KHDRBS2: variants seen among roughly 807,000 people sequenced by gnomAD.
KHDRBS2 encodes the protein KH RNA binding domain containing, signal transduction associated 2, also known as KH domain-containing, RNA-binding, signal transduction-associated protein 2.
In KHDRBS2, 26 loss-of-function variants were observed where a neutral mutation model predicts 44.3. The ratio of observed to expected loss-of-function variants is 0.59; its 90% CI spans 0.43 to 0.81. The LOEUF is 0.81. Ranked by LOEUF, KHDRBS2 falls within the 40% of genes least tolerant of loss-of-function variation. The pLI, the probability that KHDRBS2 is intolerant of heterozygous loss-of-function variation, is 0.00. For synonymous variants in KHDRBS2, 194 were observed against 151.1 expected (o/e 1.28, Z -2.08); for missense variants, 476 against 433.1 (o/e 1.10, Z -0.88).
the KHDRBS2 span, among the ~76,000 whole-genome samples, chr6:61,617,407 T>C: frequency 6.9e-6 from 1 of 144,670 alleles, no homozygotes; most frequent in Non-Finnish European, 1.5e-5. Flanking sequence ...ATCTATCATC[T>C]TATTTTGATT....
chr6:61,952,736 T>C (rs1336886211), intron 4 of KHDRBS2, among the ~76,000 whole-genome samples: 1 of 152,086 alleles, frequency 6.6e-6, no homozygotes, highest in Non-Finnish European at 1.5e-5. Flanking sequence ...CATAGCCTAA[T>C]GTGTCAAGTG....
intron 3 of KHDRBS2, among the ~76,000 whole-genome samples, chr6:62,044,744 A>G (rs772520127): frequency 6.6e-6 from 1 of 152,054 alleles, no homozygotes; most frequent in Non-Finnish European, 1.5e-5. Flanking sequence ...TCTGTTGGAT[A>G]AAAAGATTGG....
chr6:61,848,520 TATATATATATAC>T lies in KHDRBS2; in HGVS notation c.810+46103_810+46114del, dbSNP rs1794863591. On this transcript the variant is annotated intron_variant, in intron 6 of 8. Coordinates refer to ENST00000281156, the MANE Select transcript of KHDRBS2 (RefSeq NM_152688.4). ...ATATATATATATATATGTATATATG[TATATATATATAC>T]ATATATATGTATATATATACATATA... is the stretch of plus-strand genomic sequence containing the variant. Among the ~76,000 whole-genome samples, 5 of 39,930 alleles carry T rather than the reference TATATATATATAC, an allele frequency of 1.3e-4. 1 individual carries two copies. Among genetic ancestry groups the T allele is most frequent in the African/African-American group, 3.8e-4 (2 of 5,326 alleles). The allele number at this position is 39,930 out of a possible 152,430, so 26.2% of individuals were successfully genotyped here.
chr6:61,839,067 C>G (rs112265000), intron 6 of KHDRBS2, among the ~76,000 whole-genome samples: 10,181 of 152,032 alleles, frequency 0.067, 407 homozygotes, highest in Middle Eastern at 0.13. Context: ...ATGCACTTCC[C>G]TCTGCTACAA....
At chr6:61,544,003 A>T in the KHDRBS2 span, among the ~76,000 whole-genome samples, 374 of 152,188 alleles carry the variant, frequency 2.5e-3, 2 homozygotes, top group African/African-American at 8.6e-3. Flanking sequence ...AGATACAAAA[A>T]AAAGTAGTTG....
intron 3 of KHDRBS2, among the ~76,000 whole-genome samples, chr6:62,011,443 G>A (rs1294071255): frequency 1.1e-4 from 16 of 152,086 alleles, no homozygotes; most frequent in Non-Finnish European, 2.2e-4. Flanking sequence ...GGCAATACAG[G>A]TAAATTCCAT....
intron 6 of KHDRBS2, among the ~76,000 whole-genome samples, chr6:61,844,967 C>CT (rs1794165382): frequency 6.6e-6 from 1 of 152,070 alleles, no homozygotes; most frequent in South Asian, 2.1e-4. Context: ...ATTGTATCTG[C>CT]TTTATATTGT....
chr6:61,595,854 T>C, the KHDRBS2 span, among the ~76,000 whole-genome samples: 1 of 151,700 alleles, frequency 6.6e-6, no homozygotes, highest in Admixed American at 6.6e-5. Context: ...TGATTATTAC[T>C]TAATTTAACA....
intron 1 of KHDRBS2, among the ~76,000 whole-genome samples, chr6:62,203,931 T>C (rs1413021894): frequency 3.9e-5 from 6 of 152,130 alleles, no homozygotes; most frequent in Non-Finnish European, 1.5e-5. Flanking sequence ...TTCCCTGTGG[T>C]AACAAATAAG....
chr6:61,626,615 A>G, the KHDRBS2 span, among the ~76,000 whole-genome samples: 1 of 152,202 alleles, frequency 6.6e-6, no homozygotes, highest in South Asian at 2.1e-4. Context: ...TATATTCTAG[A>G]CATTTGGTTA....
chr6:62,071,541 T>A (rs955363313), intron 2 of KHDRBS2, among the ~76,000 whole-genome samples: 1 of 152,218 alleles, frequency 6.6e-6, no homozygotes, highest in Admixed American at 6.5e-5. Context: ...AGAGATCCAG[T>A]TTCAGCTTTC....
intron 4 of KHDRBS2, among the ~76,000 whole-genome samples, chr6:61,931,896 T>G (rs1477431521): frequency 4.6e-5 from 7 of 152,098 alleles, no homozygotes; most frequent in Admixed American, 4.6e-4. Context: ...TTACTCAACA[T>G]GAAGACAACA....
chr6:62,096,148 A>G (rs1390958424), intron 2 of KHDRBS2, among the ~76,000 whole-genome samples: 1 of 151,844 alleles, frequency 6.6e-6, no homozygotes, highest in Non-Finnish European at 1.5e-5. Context: ...TTTTGCATCT[A>G]TGTTCATCAT....
chr6:62,080,371 G>A (rs1190862905), intron 2 of KHDRBS2, among the ~76,000 whole-genome samples: 1 of 151,922 alleles, frequency 6.6e-6, no homozygotes, highest in Non-Finnish European at 1.5e-5. Flanking sequence ...AAGTTTTCAA[G>A]GATAATATCA....
chr6:62,128,544 ATCTCTCTC>A (rs5876776), intron 2 of KHDRBS2, among the ~76,000 whole-genome samples: 18 of 148,662 alleles, frequency 1.2e-4, no homozygotes, highest in Non-Finnish European at 1.6e-4. Flanking sequence ...TCTTTTAATG[ATCTCTCTC>A]TCTCTCTCTC....
chr6:61,592,872 T>C, the KHDRBS2 span, among the ~76,000 whole-genome samples: 1 of 152,130 alleles, frequency 6.6e-6, no homozygotes. Context: ...TATGAGAATC[T>C]GTCAGGTCAG....
At chr6:61,726,051 A>G (rs2127557992) in intron 7 of KHDRBS2, among the ~76,000 whole-genome samples, 1 of 152,266 alleles carries the variant, frequency 6.6e-6, no homozygotes, top group African/African-American at 2.4e-5. Context: ...AATCCTCAAT[A>G]AAATACTAGA....
chr6:61,721,249 C>A (rs998218938), intron 7 of KHDRBS2, among the ~76,000 whole-genome samples: 5 of 152,158 alleles, frequency 3.3e-5, no homozygotes, highest in Non-Finnish European at 7.3e-5. Flanking sequence ...TCCGGATTGA[C>A]TGGGCGACGC....
chr6:61,745,516 G>T (rs1244078214), intron 6 of KHDRBS2, among the ~76,000 whole-genome samples: 1 of 152,122 alleles, frequency 6.6e-6, no homozygotes, highest in Admixed American at 6.6e-5. Context: ...CTTCAGGATA[G>T]AACCCAAAGC....
Sources: allele counts gnomAD v4.1 joint callset (sites outside exome capture counted in the v4.1 genomes callset), GRCh38; gene constraint gnomAD v4.1.1; transcripts MANE v1.5; gene names NCBI Gene and HGNC (gene_info 2026-07-23, HGNC 2026-07-21).